Variants in GPM6B observed in about 807,000 individuals in gnomAD.
GPM6B encodes the protein glycoprotein M6B, also known as neuronal membrane glycoprotein M6-b.
In GPM6B, 4 loss-of-function variants were observed where a neutral mutation model predicts 27.2. That is an observed-to-expected ratio of 0.15 (90% confidence interval 0.07 to 0.34). The LOEUF (loss-of-function observed/expected upper bound fraction) is 0.34, where lower values mean the gene tolerates loss of function less well. Among genes scored for constraint, GPM6B ranks in the 10% least tolerant of loss-of-function variants. The pLI, the probability that GPM6B is intolerant of heterozygous loss-of-function variation, is 1.00. For missense variants in GPM6B, 183 were observed against 261.9 expected (o/e 0.70, Z 2.08); for synonymous variants, 124 against 103.1 (o/e 1.20, Z -1.23).
chrX:13,826,146 G>C (rs1285104304), intron 1 of GPM6B, among the ~76,000 whole-genome samples: 3 of 111,080 alleles, frequency 2.7e-5, no homozygotes, highest in Non-Finnish European at 5.7e-5. Flanking sequence ...TGTTTTATGG[G>C]TGACAAAACG....
At chrX:13,833,550 T>TAAAAAAAAAAAAAAAAAA (rs755832950) in intron 1 of GPM6B, among the ~76,000 whole-genome samples, 45 of 71,493 alleles carry the variant, frequency 6.3e-4, no homozygotes, top group South Asian at 1.9e-3. Context: ...CTCTATCTCT[T>TAAAAAAAAAAAAAAAAAA]AAAAAAAAAA....
chrX:13,806,515 C>T (rs2049023767), intron 2 of GPM6B, among the ~76,000 whole-genome samples: 2 of 111,959 alleles, frequency 1.8e-5, no homozygotes, highest in South Asian at 7.5e-4. Context: ...CACAGGCACA[C>T]ACAGAACCAA....
Position 13,816,990 on chromosome X carries a change from C to A in GPM6B, c.-86G>T, listed in dbSNP as rs947902102. 3.5e-5 allele frequency: 40 copies of A among 1,144,273 alleles called. No homozygotes were observed. Among genetic ancestry groups the A allele is most frequent in the Non-Finnish European group, 4.5e-5 (39 of 866,715 alleles). 94.3% of individuals were successfully genotyped at this position (1,144,273 alleles called of 1,213,427 possible). A position where few individuals can be genotyped will look rare whatever the true frequency, so the allele number is the denominator to read the frequency against. On this transcript the variant is annotated 5_prime_UTR_variant, in exon 1 of 8. Coordinates refer to ENST00000316715, the MANE Select transcript of GPM6B (RefSeq NM_001001995.3). ...CTTCCTTTTCTTTTGGACTCCCCTC[C>A]GTCTCTTATTTACACCCGTCTGATT...
At chrX:13,938,442 G>A (rs1287513773), upstream of GPM6B, 11 of 690,314 alleles carry the variant, frequency 1.6e-5, no homozygotes, top group Non-Finnish European at 2.1e-5. Flanking sequence ...CCTCGGAAGG[G>A]CGCGCCCTCC....
intron 1 of GPM6B, among the ~76,000 whole-genome samples, chrX:13,873,136 GGAGAA>G (rs755145560): frequency 5.6e-5 from 4 of 71,777 alleles, no homozygotes; most frequent in Non-Finnish European, 7.9e-5. Flanking sequence ...TGATTCCCAT[GGAGAA>G]TAGCGTAAGG....
intron 1 of GPM6B, among the ~76,000 whole-genome samples, chrX:13,861,087 C>CAT (rs1178395378): frequency 9.3e-6 from 1 of 107,514 alleles, no homozygotes; most frequent in African/African-American, 3.4e-5. Flanking sequence ...CATATACACA[C>CAT]ATATATACAC....
Position 13,816,832 on chromosome X carries a change from A to G in GPM6B, c.61+12T>C. ...AAAGCTTTAAACAGGCTATTGTCAG[A>G]GCGCTGGGTACCTTTTCTCTCTTGG... On this transcript the variant is annotated intron_variant, in intron 1 of 7. Coordinates refer to ENST00000316715, the MANE Select transcript of GPM6B (RefSeq NM_001001995.3). 8.3e-7 allele frequency: 1 copy of G among 1,209,790 alleles called. No individual in the cohort carries two copies. The highest frequency in any genetic ancestry group is 3.0e-5 in the East Asian group (1 of 33,754).
At chrX:13,805,038 T>C (rs2054517067) in intron 2 of GPM6B, among the ~76,000 whole-genome samples, 1 of 111,528 alleles carries the variant, frequency 9.0e-6, no homozygotes, top group Admixed American at 9.5e-5. Flanking sequence ...GCTCCAGACA[T>C]TAACAGTCCC....
intron 1 of GPM6B, among the ~76,000 whole-genome samples, chrX:13,829,788 A>G (rs774300276): frequency 4.0e-4 from 45 of 111,665 alleles, no homozygotes; most frequent in Non-Finnish European, 6.6e-4. Context: ...ACAATGGACT[A>G]AATTGTTTTC....
chrX:13,887,508 C>T (rs1192612619), intron 1 of GPM6B, among the ~76,000 whole-genome samples: 1 of 111,710 alleles, frequency 9.0e-6, no homozygotes, highest in Non-Finnish European at 1.9e-5. Flanking sequence ...GCTTACTTTC[C>T]TCCTTGAAGT....
chrX:13,904,375 G>A (rs1230923460), intron 1 of GPM6B, among the ~76,000 whole-genome samples: 1 of 111,626 alleles, frequency 9.0e-6, no homozygotes, highest in African/African-American at 3.3e-5. Flanking sequence ...GCCTGTATTC[G>A]TAAGAGAACA....
intron 1 of GPM6B, among the ~76,000 whole-genome samples, chrX:13,925,628 A>G (rs1192608954): frequency 9.1e-6 from 1 of 110,347 alleles, no homozygotes. Flanking sequence ...CACAAAAACT[A>G]TGAGGGACCT....
chrX:13,930,751 C>T (rs1184711365), intron 1 of GPM6B, among the ~76,000 whole-genome samples: 2 of 112,633 alleles, frequency 1.8e-5, no homozygotes, highest in Non-Finnish European at 3.8e-5. Flanking sequence ...CCCTTGAAAG[C>T]CACAATTTAC....
intron 1 of GPM6B, among the ~76,000 whole-genome samples, chrX:13,876,236 G>A (rs777070998): frequency 9.0e-6 from 1 of 111,342 alleles, no homozygotes; most frequent in Non-Finnish European, 1.9e-5. Flanking sequence ...ACAAACAATG[G>A]CCATCCTCAA....
At chrX:13,872,979 G>A (rs1463355812) in intron 1 of GPM6B, among the ~76,000 whole-genome samples, 1 of 110,801 alleles carries the variant, frequency 9.0e-6, no homozygotes, top group African/African-American at 3.3e-5. Flanking sequence ...TGAAGAGGTG[G>A]GAATCTTCTG....
chrX:13,895,342 C>T (rs1274948787), intron 1 of GPM6B, among the ~76,000 whole-genome samples: 1 of 109,458 alleles, frequency 9.1e-6, no homozygotes, highest in Non-Finnish European at 1.9e-5. Context: ...TGTGTTGAAA[C>T]ATGCTGCTTC....
At chrX:13,931,457 C>G (rs1467788974) in intron 1 of GPM6B, among the ~76,000 whole-genome samples, 1 of 107,877 alleles carries the variant, frequency 9.3e-6, no homozygotes, top group Non-Finnish European at 1.9e-5. Flanking sequence ...CACTGCACTC[C>G]AGCCTGGGCT....
chrX:13,918,692 T>C (rs1226410762), intron 1 of GPM6B, among the ~76,000 whole-genome samples: 1 of 111,542 alleles, frequency 9.0e-6, no homozygotes, highest in Non-Finnish European at 1.9e-5. Context: ...CTGCTTGGCT[T>C]CTGGGGAGGC....
intron 1 of GPM6B, among the ~76,000 whole-genome samples, chrX:13,866,579 T>G (rs5934134): frequency 0.44 from 48,760 of 110,883 alleles, 8,945 homozygotes; most frequent in Non-Finnish European, 0.59. Context: ...ACACAATGCA[T>G]TAATGTACAG....
Sources: gnomAD v4.1 joint callset for allele counts (sites outside exome capture counted in the v4.1 genomes callset) on GRCh38, gnomAD v4.1.1 for gene constraint, MANE v1.5 for transcripts, NCBI Gene and HGNC (gene_info 2026-07-23, HGNC 2026-07-21) for gene names.